The following TMEM116 variants were observed in gnomAD, a reference collection of about 807,000 sequenced individuals.
TMEM116 encodes transmembrane protein 116.
Under a neutral mutation model 44.3 loss-of-function variants are expected in TMEM116, and 38 were observed. The ratio of observed to expected loss-of-function variants is 0.86; its 90% CI spans 0.66 to 1.12. The LOEUF (loss-of-function observed/expected upper bound fraction) is 1.12, where lower values mean the gene tolerates loss of function less well. TMEM116 is among the 50% of genes most tolerant of loss of function. The probability of loss-of-function intolerance (pLI) is 0.00; values close to 1 mark genes in which losing one functional copy is unlikely to be tolerated. For synonymous variants in TMEM116, 132 were observed against 144.8 expected, an observed-to-expected ratio of 0.91 and a Z score of 0.64; for missense variants, 354 against 401.7, an observed-to-expected ratio of 0.88 and a Z score of 1.01.
intron 4 of TMEM116, among the ~76,000 whole-genome samples, chr12:111,957,591 G>A (rs557503419): frequency 5.5e-5 from 8 of 146,010 alleles, no homozygotes; most frequent in South Asian, 2.2e-4. Flanking sequence ...GCCAGCCCCC[G>A]CCCGGCCAGC....
intron 1 of TMEM116, among the ~76,000 whole-genome samples, chr12:112,009,007 C>G (rs1465586828): frequency 4.0e-5 from 6 of 150,898 alleles, no homozygotes; most frequent in African/African-American, 1.5e-4. Context: ...CTAGTAATAA[C>G]AGTTACCAAT....
At chr12:111,935,613 CGTGTGTGTGTGTGTGTG>C (rs2072080877) in intron 8 of TMEM116, 1 of 120,298 alleles carries the variant, frequency 8.3e-6, no homozygotes, top group Non-Finnish European at 1.7e-5. Context: ...TGAGCCATCT[CGTGTGTGTGTGTGTGTG>C]TGTGTGTGTG....
intron 1 of TMEM116, chr12:112,011,079 A>G (rs7132863): frequency 0.14 from 21,656 of 152,330 alleles, 1,929 homozygotes; most frequent in African/African-American, 0.25. Flanking sequence ...GGCGGTGGGA[A>G]CAGACACTCC....
chr12:111,943,366 ATATC>A lies in TMEM116; in HGVS notation c.211-1_213del, dbSNP rs745821500. 1 of 1,609,976 alleles carries A rather than the reference ATATC, an allele frequency of 6.2e-7. No individual in the cohort carries two copies. The highest frequency in any genetic ancestry group is 1.7e-5 in the Admixed American group (1 of 60,006). ...GTGTAGAGAAATGAGGAAATGTAGA[ATATC>A]TAGGTTAAAATCAAAACAACCCATC... is the stretch of plus-strand genomic sequence containing the variant. On this transcript the variant is annotated splice_acceptor_variant and coding_sequence_variant, in exon 5 of 11. Coordinates refer to ENST00000552374, the MANE Select transcript of TMEM116 (RefSeq NM_001193531.2). LOFTEE classifies it high-confidence loss of function.
At chr12:111,957,024 G>A (rs1040207580) in intron 4 of TMEM116, among the ~76,000 whole-genome samples, 6 of 151,592 alleles carry the variant, frequency 4.0e-5, no homozygotes, top group African/African-American at 1.5e-4. Context: ...TCCGGGAAGT[G>A]AGGAGCGCCT....
chr12:111,947,337 G>T (rs1037734311), intron 4 of TMEM116, among the ~76,000 whole-genome samples: 4 of 151,704 alleles, frequency 2.6e-5, no homozygotes, highest in African/African-American at 4.8e-5. Context: ...AGTCTTTTTT[G>T]ACTTCAAACT....
rs376713044 is a variant in TMEM116, at chr12:111,943,243, A to G, written c.315+22T>C. The G allele has an allele frequency of 5.7e-5, 90 of 1,573,966 alleles. No individual in the cohort carries two copies. In the African/African-American group the frequency reaches 1.1e-3, roughly 19 times the overall value. The stretch of plus-strand genomic sequence containing the variant: ...CCGGCCTAGCATACTATTATTAACT[A>G]TCAGCCCTGAATAAAACTTACCAGT... On this transcript the variant is annotated intron_variant, in intron 5 of 10. Transcript: ENST00000552374.
chr12:111,982,963 T>G (rs946057133), intron 4 of TMEM116, among the ~76,000 whole-genome samples: 9 of 152,286 alleles, frequency 5.9e-5, no homozygotes, highest in Admixed American at 4.6e-4. Context: ...CTTCAGTGAC[T>G]ACATTAGGCA....
At chr12:111,939,907 T>C (rs1383865138) in intron 5 of TMEM116, among the ~76,000 whole-genome samples, 1 of 136,056 alleles carries the variant, frequency 7.3e-6, no homozygotes, top group Non-Finnish European at 1.5e-5. Flanking sequence ...TGTGTGTGTG[T>C]GTGTGTGTGT....
At chr12:111,977,853 A>G (rs1181654339) in intron 4 of TMEM116, among the ~76,000 whole-genome samples, 1 of 152,132 alleles carries the variant, frequency 6.6e-6, no homozygotes, top group South Asian at 2.1e-4. Flanking sequence ...TTAGATTAGT[A>G]AATGTGTAAG....
At chr12:111,948,904 C>T (rs1593333696) in intron 4 of TMEM116, among the ~76,000 whole-genome samples, 1 of 151,748 alleles carries the variant, frequency 6.6e-6, no homozygotes, top group Non-Finnish European at 1.5e-5. Context: ...CATAGCAAGA[C>T]CTCATCTCTA....
chr12:111,958,224 G>A (rs1158700945), intron 4 of TMEM116, among the ~76,000 whole-genome samples: 2 of 129,290 alleles, frequency 1.5e-5, no homozygotes, highest in African/African-American at 6.1e-5. Context: ...ATTGTCCTAT[G>A]ACCCTGCCAA....
intron 4 of TMEM116, among the ~76,000 whole-genome samples, chr12:111,976,948 T>G (rs562703826): frequency 6.6e-6 from 1 of 151,816 alleles, no homozygotes; most frequent in African/African-American, 2.4e-5. Context: ...GAACAGAATG[T>G]CAAAAGGAAC....
At chr12:111,964,647 G>A (rs892302993) in intron 4 of TMEM116, among the ~76,000 whole-genome samples, 6 of 151,902 alleles carry the variant, frequency 3.9e-5, no homozygotes, top group Admixed American at 3.9e-4. Context: ...ACTGCTAACC[G>A]TATTCCAAAG....
At chr12:111,950,116 A>AAAAAC (rs372065144) in intron 4 of TMEM116, among the ~76,000 whole-genome samples, 9,745 of 151,554 alleles carry the variant, frequency 0.064, 446 homozygotes, top group East Asian at 0.22. Flanking sequence ...ACTCCCTCTC[A>AAAAAC]AAAACAAAAC....
chr12:111,985,720 C>CA (rs1593539458), intron 4 of TMEM116, among the ~76,000 whole-genome samples: 1 of 152,036 alleles, frequency 6.6e-6, no homozygotes. Flanking sequence ...CCAGAGCCTC[C>CA]AGAGTAGCTG....
At chr12:111,948,092 C>G (rs2073420731) in intron 4 of TMEM116, among the ~76,000 whole-genome samples, 1 of 152,184 alleles carries the variant, frequency 6.6e-6, no homozygotes. Flanking sequence ...GATCACTCAT[C>G]TGGTTTGGGA....
intron 4 of TMEM116, among the ~76,000 whole-genome samples, chr12:111,974,276 C>T (rs1442141610): frequency 6.6e-6 from 1 of 152,108 alleles, no homozygotes; most frequent in Non-Finnish European, 1.5e-5. Context: ...AGGAAAAAGA[C>T]AGGACTGTCC....
chr12:111,996,592 G>T (rs1430990261), intron 3 of TMEM116, among the ~76,000 whole-genome samples: 3 of 152,240 alleles, frequency 2.0e-5, no homozygotes, highest in East Asian at 3.9e-4. Flanking sequence ...CAACCAGTTG[G>T]AAAAGAGTTT....
Sources: gnomAD v4.1 joint callset for allele counts (sites outside exome capture counted in the v4.1 genomes callset) on GRCh38, gnomAD v4.1.1 for gene constraint, MANE v1.5 for transcripts, NCBI Gene and HGNC (gene_info 2026-07-23, HGNC 2026-07-21) for gene names.